Variants in RCSD1 observed in about 807,000 individuals in gnomAD.
The protein encoded by RCSD1 is capZ-interacting protein.
In RCSD1, 26 loss-of-function variants were observed where a neutral mutation model predicts 42.5. The observed-to-expected ratio is 0.61, with a 90% CI of 0.45 to 0.85. RCSD1 has a LOEUF of 0.85. Ranked by LOEUF, RCSD1 falls within the 40% of genes least tolerant of loss-of-function variation. The pLI is 0.00. For missense variants in RCSD1, 571 were observed against 528.3 expected (o/e 1.08, Z -0.79); for synonymous variants, 220 against 212.2 (o/e 1.04, Z -0.32).
intron 1 of RCSD1, among the ~76,000 whole-genome samples, chr1:167,648,769 A>T (rs1428983951): frequency 6.6e-6 from 1 of 152,224 alleles, no homozygotes; most frequent in African/African-American, 2.4e-5. Context: ...ATGGAGGCAG[A>T]ACACCAGAGG....
chr1:167,667,198 G>A (rs1000325128), intron 1 of RCSD1, among the ~76,000 whole-genome samples: 1 of 150,590 alleles, frequency 6.6e-6, no homozygotes, highest in African/African-American at 2.5e-5. Context: ...TTTGGATGGA[G>A]CCCTCTTGAT....
At chr1:167,657,614 C>T (rs1396720163) in intron 1 of RCSD1, among the ~76,000 whole-genome samples, 1 of 152,072 alleles carries the variant, frequency 6.6e-6, no homozygotes, top group African/African-American at 2.4e-5. Context: ...TCCTTCCTCC[C>T]CTCCCCTCTG....
chr1:167,635,436 C>T (rs1657814875), intron 1 of RCSD1, among the ~76,000 whole-genome samples: 1 of 152,148 alleles, frequency 6.6e-6, no homozygotes, highest in South Asian at 2.1e-4. Context: ...TCTAAGGGCC[C>T]AGCCCAGGCC....
At chr1:167,679,087 C>T (rs900993760) in intron 1 of RCSD1, among the ~76,000 whole-genome samples, 1 of 152,208 alleles carries the variant, frequency 6.6e-6, no homozygotes, top group Non-Finnish European at 1.5e-5. Flanking sequence ...TATCTCAGGG[C>T]CTAGACCAGT....
intron 1 of RCSD1, among the ~76,000 whole-genome samples, chr1:167,681,559 C>T (rs1339509346): frequency 2.0e-5 from 3 of 152,150 alleles, no homozygotes; most frequent in African/African-American, 7.2e-5. Context: ...ACTTCTGAGC[C>T]CCTTGCCAAG....
chr1:167,697,670 C>G lies in RCSD1; in HGVS notation c.1046C>G (p.Pro349Arg). The stretch of plus-strand genomic sequence containing the variant: ...GAGGGAGCTGCAGTGAAGGAGACCC[C>G]CCACAGTCCCCCTGGAGGAGTGAAG... Reference protein sequence around the residue: ...LEEGAAVKETPHSPPGGVKGG... With the variant: ...LEEGAAVKETRHSPPGGVKGG... The change falls in exon 6 of 7, where the codon CCC becomes CGC. Residue 349 changes from proline to arginine, a missense_variant. Pro to Arg is a moderately radical substitution (Grantham distance 103, BLOSUM62 -2). Coordinates refer to ENST00000367854, the MANE Select transcript of RCSD1 (RefSeq NM_052862.4). 1 of 1,604,628 alleles carries G rather than the reference C, an allele frequency of 6.2e-7. No individual in the cohort carries two copies. Among genetic ancestry groups the G allele is most frequent in the Non-Finnish European group, 8.5e-7 (1 of 1,175,826 alleles).
chr1:167,675,373 T>A (rs1223965421), intron 1 of RCSD1, among the ~76,000 whole-genome samples: 3 of 151,946 alleles, frequency 2.0e-5, no homozygotes, highest in African/African-American at 4.8e-5. Context: ...GCAAGAGAGC[T>A]TTTGCAGGGG....
chr1:167,636,282 A>G (rs140825142), intron 1 of RCSD1, among the ~76,000 whole-genome samples: 1 of 152,314 alleles, frequency 6.6e-6, no homozygotes, highest in Non-Finnish European at 1.5e-5. Context: ...TTACCTCTGT[A>G]AGAGACCCCT....
chr1:167,657,837 T>C (rs990754008), intron 1 of RCSD1, among the ~76,000 whole-genome samples: 3 of 152,142 alleles, frequency 2.0e-5, no homozygotes, highest in African/African-American at 4.8e-5. Flanking sequence ...TTGCTTCCTT[T>C]TCCTTGAAAA....
At chr1:167,673,991 G>A (rs965083045) in intron 1 of RCSD1, among the ~76,000 whole-genome samples, 8 of 152,296 alleles carry the variant, frequency 5.3e-5, no homozygotes, top group South Asian at 2.1e-4. Context: ...CCCAATTGCA[G>A]CAATGGCCTG....
Position 167,690,063 on chromosome 1 carries a change from TGCGAGC to T in RCSD1, c.214_219del (p.Ala72_Ser73del), listed in dbSNP as rs1315366806. 14 of 1,614,068 alleles carry T rather than the reference TGCGAGC, an allele frequency of 8.7e-6. No homozygotes were observed. Among genetic ancestry groups the T allele is most frequent in the Middle Eastern group, 1.6e-4 (1 of 6,084 alleles). Reference sequence around the variant, plus strand: ...TTGCTCCATAGAAATCACCACCCAATGCGAGCCACCCTCCTAAATTCAAGGTCAAGA... The same window carrying T: ...TTGCTCCATAGAAATCACCACCCAATCACCCTCCTAAATTCAAGGTCAAGA... On this transcript the variant is annotated inframe_deletion, in exon 4 of 7. Transcript: ENST00000367854.
rs1571692538 is a variant in RCSD1, at chr1:167,671,453, C to A, written c.7-12447C>A. 2.0e-5 allele frequency among the ~76,000 whole-genome samples: 3 copies of A among 152,224 alleles called. No individual in the cohort carries two copies. In the East Asian group the frequency reaches 5.8e-4, roughly 29 times the overall value. On this transcript the variant is annotated intron_variant, in intron 1 of 6. Coordinates refer to ENST00000367854, the MANE Select transcript of RCSD1 (RefSeq NM_052862.4). ...CACCCCGGAAGGGGCCAGCCCTTAT[C>A]CATTTCTCAGCTCTCCTTACTCCTG...
chr1:167,673,603 ATCAAGTGACTTAC>A lies in RCSD1; in HGVS notation c.7-10291_7-10279del, dbSNP rs1205153747. ...AGATGTTGAAACTGAGACTCAAGAA[ATCAAGTGACTTAC>A]TCAAGGTCACCTATATAGCTAATGA... On this transcript the variant is annotated intron_variant, in intron 1 of 6. Coordinates refer to ENST00000367854, the MANE Select transcript of RCSD1 (RefSeq NM_052862.4). 1.3e-5 allele frequency among the ~76,000 whole-genome samples: 2 copies of A among 152,236 alleles called. 1 individual carries two copies. The highest frequency in any genetic ancestry group is 2.9e-5 in the Non-Finnish European group (2 of 68,042).
rs545339892 is a variant in RCSD1 at position 167,707,850 on chromosome 1, A to C, written c.*3154A>C. On this transcript the variant is annotated 3_prime_UTR_variant, in exon 7 of 7. Coordinates refer to ENST00000367854, the MANE Select transcript of RCSD1 (RefSeq NM_052862.4). ...GCTCGGATTACAAGTATGCACCACC[A>C]TGCCCAGCTAATTTTTGTATTTTTT... Among the ~76,000 whole-genome samples, 10 of 152,102 alleles carry C rather than the reference A, an allele frequency of 6.6e-5. No homozygotes were observed. Among genetic ancestry groups the C allele is most frequent in the Non-Finnish European group, 1.0e-4 (7 of 68,030 alleles).
At chr1:167,630,613 C>A (rs550303528) in intron 1 of RCSD1, 184 bp downstream of exon 1, 38 of 484,240 alleles carry the variant, frequency 7.8e-5, no homozygotes, top group African/African-American at 6.8e-4. Context: ...TCCCTGGTCC[C>A]ACCTAGGACA....
At chr1:167,663,475 T>A (rs536738396) in intron 1 of RCSD1, 1 of 152,402 alleles carries the variant, frequency 6.6e-6, no homozygotes, top group Non-Finnish European at 1.5e-5. Context: ...TCCTGACCCA[T>A]TACCCTACCC....
intron 1 of RCSD1, among the ~76,000 whole-genome samples, chr1:167,652,426 C>T (rs1260729950): frequency 6.6e-6 from 1 of 152,180 alleles, no homozygotes; most frequent in South Asian, 2.1e-4. Context: ...GATGAAACCT[C>T]ACCGGGCCCA....
intron 5 of RCSD1, among the ~76,000 whole-genome samples, 179 bp from the exon 6 acceptor site, chr1:167,696,920 C>A (rs1199999437): frequency 3.9e-5 from 6 of 152,180 alleles, no homozygotes; most frequent in Non-Finnish European, 1.5e-5. Context: ...ATTTCACAAT[C>A]CCACATGGCT....
rs867548701 is a variant in RCSD1 at position 167,630,362 on chromosome 1, G to A, written c.-62G>A. 2.1e-6 allele frequency: 3 copies of A among 1,459,702 alleles called. No homozygotes were observed. The highest frequency in any genetic ancestry group is 1.4e-5 in the South Asian group (1 of 71,762). 90.4% of individuals were successfully genotyped at this position (1,459,702 alleles called of 1,614,324 possible). On this transcript the variant is annotated 5_prime_UTR_variant, in exon 1 of 7. Transcript: ENST00000367854. Reference sequence around the variant, plus strand: ...CGGCCGGGAGCGGAGGGGACAGCGGGGATCGTGAGCTCCGGCCCGGGCGAG... The same window carrying A: ...CGGCCGGGAGCGGAGGGGACAGCGGAGATCGTGAGCTCCGGCCCGGGCGAG...
Sources: gnomAD v4.1 joint callset for allele counts (sites outside exome capture counted in the v4.1 genomes callset) on GRCh38, gnomAD v4.1.1 for gene constraint, MANE v1.5 for transcripts, NCBI Gene and HGNC (gene_info 2026-07-23, HGNC 2026-07-21) for gene names.